The following IGSF10 variants were observed in gnomAD, a reference collection of about 807,000 sequenced individuals.
IGSF10 encodes the protein immunoglobulin superfamily member 10.
A neutral mutation model predicts 128.2 loss-of-function variants in IGSF10; 126 were observed. The ratio of observed to expected loss-of-function variants is 0.98; its 90% confidence interval spans 0.85 to 1.14. The LOEUF is 1.14. Ranked by LOEUF, IGSF10 falls within the 50% of genes most tolerant of loss-of-function variation. The pLI is 0.00. For synonymous variants in IGSF10, 1,185 were observed against 1,146.2 expected (o/e 1.03, Z -0.68); for missense variants, 3,295 against 3,149.8 (o/e 1.05, Z -1.10).
rs535138159 is a variant in IGSF10 at position 151,445,802 on chromosome 3, G to C, written c.4179C>G (p.Phe1393Leu). Residue 1393 changes from phenylalanine to leucine, a missense_variant, in exon 6 of 8, where the codon TTC (phenylalanine) becomes TTG (leucine). By Grantham distance (22) the Phe-to-Leu change is conservative. Coordinates refer to ENST00000282466, the MANE Select transcript of IGSF10 (RefSeq NM_178822.5). ...ETSVKPSVSA[F>L]THSPPENTTG... Reference sequence around the variant, plus strand: ...TTGTGTTTTCTGGTGGGGAATGAGTGAATGCAGAGACACTGGGCTTGACTG... The same window carrying C: ...TTGTGTTTTCTGGTGGGGAATGAGTCAATGCAGAGACACTGGGCTTGACTG... 1 of 1,614,224 alleles carries C rather than the reference G, an allele frequency of 6.2e-7. No individual in the cohort carries two copies. The highest frequency in any genetic ancestry group is 1.3e-5 in the African/African-American group (1 of 75,058).
Position 151,437,702 on chromosome 3 carries a change from C to T in IGSF10, c.6859G>A (p.Gly2287Arg). 1.2e-6 allele frequency: 2 copies of T among 1,614,122 alleles called. No individual in the cohort carries two copies. The highest frequency in any genetic ancestry group is 1.3e-5 in the African/African-American group (1 of 75,036). ...TTTTTATGGACTGTGATTCTGCTTC[C>T]ATAGTATGGGGCTGTGAGGAAAATA... ...DNIFLTAPYY[G>R]SRITVHKNGT... is the part of the protein sequence containing the mutation. The change falls in exon 8 of 8, where the codon GGA (glycine) becomes AGA (arginine). Residue 2287 changes from glycine to arginine, a missense_variant. By Grantham distance (125) the Gly-to-Arg change is moderately radical. Coordinates refer to ENST00000282466, the MANE Select transcript of IGSF10 (RefSeq NM_178822.5).
chr3:151,449,165 G>C lies in IGSF10; in HGVS notation c.816C>G (p.Val272=). The change falls in exon 6 of 8, where the codon GTC becomes GTG. Residue 272 remains valine (V), a synonymous_variant. Transcript: ENST00000282466. ...RTSKGKPLAM[V]SAAAFQCAKP... The stretch of plus-strand genomic sequence containing the variant: ...TGGCACACTGGAAAGCTGCAGCTGA[G>C]ACCATAGCTAACGGCTTGCCTTTAG... 1 of 1,614,222 alleles carries C rather than the reference G, an allele frequency of 6.2e-7. No individual in the cohort carries two copies. The highest frequency in any genetic ancestry group is 1.7e-5 in the Admixed American group (1 of 60,024).
chr3:151,578,375 A>G, the IGSF10 span, among the ~76,000 whole-genome samples: 3 of 152,248 alleles, frequency 2.0e-5, no homozygotes, highest in Non-Finnish European at 4.4e-5. Flanking sequence ...AGCTATAGCC[A>G]TTATGCAAAT....
the IGSF10 span, among the ~76,000 whole-genome samples, chr3:151,570,678 G>A: frequency 6.6e-6 from 1 of 152,172 alleles, no homozygotes; most frequent in Non-Finnish European, 1.5e-5. Flanking sequence ...CTCCCATTCT[G>A]TATGTTGCCT....
the IGSF10 span, among the ~76,000 whole-genome samples, chr3:151,505,427 G>T: frequency 1.3e-5 from 2 of 152,134 alleles, no homozygotes; most frequent in Non-Finnish European, 2.9e-5. Flanking sequence ...CACAAGTGGG[G>T]ATTATGGGAA....
chr3:151,512,914 GA>G, the IGSF10 span, among the ~76,000 whole-genome samples: 1 of 152,152 alleles, frequency 6.6e-6, no homozygotes, highest in Admixed American at 6.5e-5. Context: ...ACTAAACCAG[GA>G]AGAAGTTGAA....
chr3:151,461,784 G>A (rs983700724), upstream of IGSF10, among the ~76,000 whole-genome samples: 1 of 151,608 alleles, frequency 6.6e-6, no homozygotes, highest in African/African-American at 2.4e-5. Flanking sequence ...CTGTATAATC[G>A]ACCTTTTAGA....
chr3:151,611,494 AGAGGCAAAGGG>A, the IGSF10 span, among the ~76,000 whole-genome samples: 2 of 152,212 alleles, frequency 1.3e-5, no homozygotes, highest in African/African-American at 4.8e-5. Flanking sequence ...TTCTGTAAGT[AGAGGCAAAGGG>A]GAGAAAGAGA....
rs1720455024 is a variant in IGSF10, at chr3:151,437,561, G to T, written c.7000C>A (p.Leu2334Met). 6.2e-7 allele frequency: 1 copy of T among 1,614,030 alleles called. No homozygotes were observed. The highest frequency in any genetic ancestry group is 8.5e-7 in the Non-Finnish European group (1 of 1,180,030). ...GGATTTCTAAATGTCGGTCTTCTCA[G>T]CATTTCCAGTACTTCTAACTGTACT... Reference protein sequence around the residue: ...LVVQLEVLEMLRRPTFRNPFN... With the variant: ...LVVQLEVLEMMRRPTFRNPFN... The change falls in exon 8 of 8, where the codon CTG (leucine) becomes ATG (methionine). Residue 2334 changes from leucine to methionine, a missense_variant. By Grantham distance (15) the Leu-to-Met change is conservative. Coordinates refer to ENST00000282466, the MANE Select transcript of IGSF10 (RefSeq NM_178822.5).
chr3:151,497,100 A>G, the IGSF10 span, among the ~76,000 whole-genome samples: 10 of 152,246 alleles, frequency 6.6e-5, no homozygotes, highest in East Asian at 1.2e-3. Flanking sequence ...AGTAGGTTGC[A>G]AAAATTTTCT....
At chr3:151,439,940 T>TA (rs1215962441) in intron 7 of IGSF10, among the ~76,000 whole-genome samples, 1 of 152,208 alleles carries the variant, frequency 6.6e-6, no homozygotes, top group Non-Finnish European at 1.5e-5. Flanking sequence ...AGCAGGTAGA[T>TA]AAAACGAGAG....
At chr3:151,559,554 C>T in the IGSF10 span, among the ~76,000 whole-genome samples, 1 of 152,042 alleles carries the variant, frequency 6.6e-6, no homozygotes, top group Non-Finnish European at 1.5e-5. Flanking sequence ...TTTTGTATAT[C>T]TAGGAAAATT....
chr3:151,458,927 G>A (rs1560183711), intron 2 of IGSF10, among the ~76,000 whole-genome samples: 1 of 152,182 alleles, frequency 6.6e-6, no homozygotes, highest in Non-Finnish European at 1.5e-5. Context: ...ATTTACTGTT[G>A]TGAAAATTTC....
intron 5 of IGSF10, among the ~76,000 whole-genome samples, chr3:151,450,895 C>CAAAAAAAAAAA (rs35070766): frequency 1.8e-5 from 1 of 55,424 alleles, no homozygotes; most frequent in African/African-American, 8.0e-5. Context: ...AACTCTGTCT[C>CAAAAAAAAAAA]AAAAAAAAAA....
the IGSF10 span, among the ~76,000 whole-genome samples, chr3:151,528,351 T>G: frequency 6.6e-6 from 1 of 152,230 alleles, no homozygotes; most frequent in Admixed American, 6.5e-5. Flanking sequence ...TTTATAAGGT[T>G]TTTTTAAAAG....
At chr3:151,455,969 C>A (rs797017115) in intron 4 of IGSF10, among the ~76,000 whole-genome samples, 3 of 152,094 alleles carry the variant, frequency 2.0e-5, no homozygotes, top group Non-Finnish European at 4.4e-5. Context: ...GCCAAGACCC[C>A]TAATAAGAAA....
At chr3:151,478,117 T>G in the IGSF10 span, among the ~76,000 whole-genome samples, 2 of 152,170 alleles carry the variant, frequency 1.3e-5, no homozygotes, top group Non-Finnish European at 2.9e-5. Context: ...GGCAGCACCT[T>G]AAACCTTAAA....
At chr3:151,522,634 T>A in the IGSF10 span, among the ~76,000 whole-genome samples, 2 of 152,056 alleles carry the variant, frequency 1.3e-5, no homozygotes, top group African/African-American at 4.8e-5. Context: ...TTGATAAAAT[T>A]CAACACACTT....
At chr3:151,617,697 G>A in the IGSF10 span, among the ~76,000 whole-genome samples, 1 of 152,020 alleles carries the variant, frequency 6.6e-6, no homozygotes, top group African/African-American at 2.4e-5. Context: ...GGGGCCAGGA[G>A]CAAAGTGTTA....
Sources: allele counts gnomAD v4.1 joint callset (sites outside exome capture counted in the v4.1 genomes callset), GRCh38; gene constraint gnomAD v4.1.1; transcripts MANE v1.5; gene names NCBI Gene and HGNC (gene_info 2026-07-23, HGNC 2026-07-21).